Variants in PTPRD observed in about 807,000 individuals in gnomAD.
PTPRD encodes protein tyrosine phosphatase receptor type D.
PTPRD carries 34 observed loss-of-function variants against 214.5 expected under a neutral mutation model. That is an observed-to-expected ratio of 0.16 (90% confidence interval 0.12 to 0.21). PTPRD has a LOEUF of 0.21. PTPRD is among the 10% of genes least tolerant of loss of function. The pLI, the probability that PTPRD is intolerant of heterozygous loss-of-function variation, is 1.00. For missense variants in PTPRD, 2,545 were observed against 2,398.7 expected (o/e 1.06, Z -1.27); for synonymous variants, 1,128 against 845.7 (o/e 1.33, Z -5.79).
intron 11 of PTPRD, among the ~76,000 whole-genome samples, chr9:8,944,153 C>G (rs991163939): frequency 1.3e-5 from 2 of 152,038 alleles, no homozygotes; most frequent in African/African-American, 4.8e-5. Flanking sequence ...TGGAAAGATG[C>G]TCAACATCAC....
intron 8 of PTPRD, among the ~76,000 whole-genome samples, chr9:9,459,283 G>T (rs775777492): frequency 6.6e-6 from 1 of 151,972 alleles, no homozygotes; most frequent in Non-Finnish European, 1.5e-5. Flanking sequence ...TTCCCACTAA[G>T]AACAGAAACA....
Position 9,900,644 on chromosome 9 carries a change from T to TTTTTTTTTGTTTTTTTTTG in PTPRD, c.-368+37862_-368+37863insCAAAAAAAAACAAAAAAAA, listed in dbSNP as rs369510362. 8.2e-3 allele frequency among the ~76,000 whole-genome samples: 1,181 copies of TTTTTTTTTGTTTTTTTTTG among 143,882 alleles called. 13 individuals carry two copies. The highest frequency in any genetic ancestry group is 0.012 in the Non-Finnish European group (835 of 67,374). The allele number at this position is 143,882 out of a possible 152,430, so 94.4% of individuals were successfully genotyped here. A position where few individuals can be genotyped will look rare whatever the true frequency, so the allele number is the denominator to read the frequency against. On this transcript the variant is annotated intron_variant, in intron 5 of 45. Transcript: ENST00000381196. ...AAAGGTGCTTCCACATTTTCAGGTT[T>TTTTTTTTTGTTTTTTTTTG]TTTTTTTTTTTGAGATGGAGTCTTG...
At chr9:10,442,306 G>A (rs542246995) in intron 2 of PTPRD, among the ~76,000 whole-genome samples, 5 of 151,828 alleles carry the variant, frequency 3.3e-5, no homozygotes, top group Admixed American at 3.3e-4. Context: ...AAAGGGTATT[G>A]AAGGAAGTAG....
chr9:9,399,342 G>C (rs1020445416), intron 8 of PTPRD, among the ~76,000 whole-genome samples: 8 of 151,932 alleles, frequency 5.3e-5, no homozygotes, highest in African/African-American at 1.9e-4. Flanking sequence ...CAGATTTTGT[G>C]CTTTTCATTC....
intron 2 of PTPRD, among the ~76,000 whole-genome samples, chr9:10,363,992 T>TTTTTTTGTTGC (rs1491530755): frequency 6.6e-4 from 24 of 36,474 alleles, no homozygotes; most frequent in South Asian, 1.9e-3. Flanking sequence ...CATTTTCGGG[T>TTTTTTTGTTGC]TTTTTTTTTT....
chr9:9,202,125 G>C (rs2099942209), intron 9 of PTPRD, among the ~76,000 whole-genome samples: 1 of 152,182 alleles, frequency 6.6e-6, no homozygotes, highest in South Asian at 2.1e-4. Flanking sequence ...ACACACAGAG[G>C]TGGAGAACAT....
intron 5 of PTPRD, chr9:9,803,710 C>T (rs1473775610): frequency 6.6e-6 from 1 of 151,728 alleles, no homozygotes; most frequent in Non-Finnish European, 1.5e-5. Context: ...TTTCTCTTTT[C>T]TTTCAGGAAA....
At chr9:10,372,247 T>C (rs773808389) in intron 2 of PTPRD, among the ~76,000 whole-genome samples, 4 of 152,144 alleles carry the variant, frequency 2.6e-5, no homozygotes, top group Non-Finnish European at 4.4e-5. Context: ...GTATACTTAG[T>C]AGTAATATGA....
chr9:8,717,706 G>A (rs1232982884), intron 12 of PTPRD, among the ~76,000 whole-genome samples: 1 of 152,152 alleles, frequency 6.6e-6, no homozygotes, highest in South Asian at 2.1e-4. Flanking sequence ...AAATTAGTTG[G>A]TGTGGGGCCT....
Position 10,024,436 on chromosome 9 carries a change from C to T in PTPRD, c.-472+9282G>A, listed in dbSNP as rs144765640. 3.1e-3 allele frequency among the ~76,000 whole-genome samples: 471 copies of T among 152,158 alleles called. 1 individual carries two copies. The highest frequency in any genetic ancestry group is 0.011 in the African/African-American group (446 of 41,520). On this transcript the variant is annotated intron_variant, in intron 4 of 45. Transcript: ENST00000381196. Reference sequence around the variant, plus strand: ...TAAGTCTTTTGTGACAGACTCAACACTTTTATAGTAATTGTATAATTAACT... The same window carrying T: ...TAAGTCTTTTGTGACAGACTCAACATTTTTATAGTAATTGTATAATTAACT...
intron 5 of PTPRD, among the ~76,000 whole-genome samples, chr9:9,921,758 A>G (rs1309231622): frequency 6.6e-6 from 1 of 151,958 alleles, no homozygotes; most frequent in Non-Finnish European, 1.5e-5. Context: ...GAAGTAAAAA[A>G]AAAAAAACTA....
chr9:10,570,455 T>C (rs567832468), intron 2 of PTPRD, among the ~76,000 whole-genome samples: 2 of 152,144 alleles, frequency 1.3e-5, no homozygotes, highest in East Asian at 3.9e-4. Flanking sequence ...CAAAAAGATA[T>C]TGAAAGGACA....
At chr9:9,040,481 T>C (rs1284247584) in intron 10 of PTPRD, among the ~76,000 whole-genome samples, 4 of 152,200 alleles carry the variant, frequency 2.6e-5, no homozygotes, top group Admixed American at 1.3e-4. Context: ...TATTGGAGTG[T>C]AGAATCTTAG....
intron 9 of PTPRD, among the ~76,000 whole-genome samples, chr9:9,208,020 C>CATTTTTTTTTTTTTTTTTT (rs1554981097): frequency 1.9e-5 from 1 of 53,268 alleles, no homozygotes; most frequent in African/African-American, 5.4e-5. Context: ...TATATATCTG[C>CATTTTTTTTTTTTTTTTTT]TTTTTTTTTT....
intron 2 of PTPRD, among the ~76,000 whole-genome samples, chr9:10,502,145 T>A (rs888553260): frequency 6.6e-6 from 1 of 151,790 alleles, no homozygotes; most frequent in Non-Finnish European, 1.5e-5. Flanking sequence ...AAAGCCAACA[T>A]GCAAATTAGC....
intron 11 of PTPRD, among the ~76,000 whole-genome samples, chr9:8,925,933 T>C (rs1375938499): frequency 1.3e-5 from 2 of 151,674 alleles, no homozygotes; most frequent in Non-Finnish European, 2.9e-5. Flanking sequence ...TTCCATTCTA[T>C]TGAGTTAATA....
At chr9:10,461,986 G>A (rs1588700897) in intron 2 of PTPRD, among the ~76,000 whole-genome samples, 1 of 152,084 alleles carries the variant, frequency 6.6e-6, no homozygotes, top group Admixed American at 6.6e-5. Flanking sequence ...TAAAATACTG[G>A]TTACCAGGGT....
intron 2 of PTPRD, among the ~76,000 whole-genome samples, chr9:10,379,400 T>C (rs1426158916): frequency 6.6e-6 from 1 of 151,954 alleles, no homozygotes; most frequent in Non-Finnish European, 1.5e-5. Flanking sequence ...TCCTGTATTA[T>C]GTTGAGTAAC....
At chr9:9,787,760 ATCAATTTTTTAT>A (rs1236325009) in intron 5 of PTPRD, among the ~76,000 whole-genome samples, 2 of 145,214 alleles carry the variant, frequency 1.4e-5, no homozygotes, top group Admixed American at 1.4e-4. Context: ...AACAACGTAT[ATCAATTTTTTAT>A]TTATTATTAT....
Sources: allele counts gnomAD v4.1 joint callset (sites outside exome capture counted in the v4.1 genomes callset), GRCh38; gene constraint gnomAD v4.1.1; transcripts MANE v1.5; gene names NCBI Gene and HGNC (gene_info 2026-07-23, HGNC 2026-07-21).